CACNA1I: variants seen among roughly 807,000 people sequenced by gnomAD.
CACNA1I encodes the protein calcium voltage-gated channel subunit alpha1 I.
CACNA1I carries 74 observed loss-of-function variants against 201.6 expected under a neutral mutation model. The ratio of observed to expected loss-of-function variants is 0.37; its 90% CI spans 0.30 to 0.45. The LOEUF is 0.45. CACNA1I is among the 20% of genes least tolerant of loss of function. The pLI is 1.00. For missense variants in CACNA1I, 2,346 were observed against 3,138.1 expected (o/e 0.75, Z 6.03); for synonymous variants, 1,431 against 1,345.2 (o/e 1.06, Z -1.40).
At chr22:39,616,893 A>T (rs1390459218) in intron 3 of CACNA1I, among the ~76,000 whole-genome samples, 1 of 152,100 alleles carries the variant, frequency 6.6e-6, no homozygotes, top group Non-Finnish European at 1.5e-5. Context: ...TGGTGTCCTC[A>T]CTTAACTGAG....
chr22:39,593,357 A>AAAT (rs1840829740), intron 1 of CACNA1I, among the ~76,000 whole-genome samples: 1 of 152,184 alleles, frequency 6.6e-6, no homozygotes, highest in African/African-American at 2.4e-5. Flanking sequence ...AGGTACTGCC[A>AAAT]AATTCATCAC....
chr22:39,640,728 A>C, intron 5 of CACNA1I, 139 bp from the exon 6 acceptor site: 1 of 703,306 alleles, frequency 1.4e-6, no homozygotes, highest in South Asian at 1.9e-5. Flanking sequence ...AGGGTGACCA[A>C]GGCAGGGGAA....
chr22:39,627,932 G>A (rs1188563690), intron 4 of CACNA1I, among the ~76,000 whole-genome samples: 1 of 147,426 alleles, frequency 6.8e-6, no homozygotes, highest in African/African-American at 2.5e-5. Context: ...CTCCCTTCCT[G>A]GAAGAGGTGG....
intron 5 of CACNA1I, among the ~76,000 whole-genome samples, chr22:39,635,649 T>A (rs1225587099): frequency 6.7e-6 from 1 of 148,264 alleles, no homozygotes; most frequent in East Asian, 2.1e-4. Context: ...CAAGTGGGGA[T>A]TCAGGAAGGG....
intron 1 of CACNA1I, among the ~76,000 whole-genome samples, chr22:39,589,162 C>A (rs563357048): frequency 1.3e-5 from 2 of 152,268 alleles, no homozygotes; most frequent in East Asian, 3.9e-4. Flanking sequence ...CCTTGGGGGA[C>A]AAAATCATCC....
chr22:39,605,584 G>A (rs1452095560), intron 3 of CACNA1I, among the ~76,000 whole-genome samples: 5 of 152,216 alleles, frequency 3.3e-5, no homozygotes, highest in Non-Finnish European at 7.3e-5. Context: ...GGCCCTTTGT[G>A]ATTTCACGTA....
At position 39,649,955 on chromosome 22, in the gene CACNA1I, C is replaced by T. The variant is rs777975084; in HGVS notation, c.1992+30C>T. The T allele has an allele frequency of 2.7e-5, 44 of 1,610,456 alleles. No homozygotes were observed. Among genetic ancestry groups the T allele is most frequent in the Non-Finnish European group, 3.1e-5 (37 of 1,178,288 alleles). On this transcript the variant is annotated intron_variant, in intron 10 of 36. Transcript: ENST00000402142. This position sits in a 1 kb window ranked among gnomAD's most constrained non-coding sequence, Gnocchi z 7.3. ...GTGCAGCGCAGCCGGGCCGGGCCTGCGGGAGAGGTGTGAGGGCCCCAGGAC... is the reference window on the plus strand; with the variant it reads ...GTGCAGCGCAGCCGGGCCGGGCCTGTGGGAGAGGTGTGAGGGCCCCAGGAC...
intron 32 of CACNA1I, 69 bp from the exon 33 acceptor site, chr22:39,679,653 T>G (rs1935631766): frequency 1.4e-6 from 2 of 1,443,258 alleles, no homozygotes; most frequent in Non-Finnish European, 1.9e-6. Flanking sequence ...AGCTGTGTCC[T>G]GCCCACCCCA....
intron 4 of CACNA1I, among the ~76,000 whole-genome samples, chr22:39,626,533 C>T (rs565254574): frequency 4.0e-5 from 6 of 151,624 alleles, no homozygotes; most frequent in East Asian, 1.9e-4. Flanking sequence ...CAGGGGACTG[C>T]GTGGCGGGAA....
At position 39,684,287 on chromosome 22, in the gene CACNA1I, C is replaced by A. The variant is rs374846524; in HGVS notation, c.5831-15C>A. 18 of 1,612,310 alleles carry A rather than the reference C, an allele frequency of 1.1e-5. No individual in the cohort carries two copies. The highest frequency in any genetic ancestry group is 1.3e-5 in the African/African-American group (1 of 74,890). ...GAGCGTGCTCCCTCAGCTCTGTCTT[C>A]TCCTTTCCCAGCAGCACCCCCAAGT... On this transcript the variant is annotated splice_polypyrimidine_tract_variant and intron_variant, in intron 35 of 36. Coordinates refer to ENST00000402142, the MANE Select transcript of CACNA1I (RefSeq NM_021096.4). This position sits in a 1 kb window ranked among gnomAD's most constrained non-coding sequence, Gnocchi z 4.6.
At position 39,677,287 on chromosome 22, in the gene CACNA1I, G is replaced by T; in HGVS notation, c.4855-54G>T. 1.6e-6 allele frequency: 2 copies of T among 1,271,880 alleles called. No homozygotes were observed. Among genetic ancestry groups the T allele is most frequent in the East Asian group, 2.5e-5 (1 of 40,214 alleles). 78.8% of individuals were successfully genotyped at this position (1,271,880 alleles called of 1,614,324 possible). A position where few individuals can be genotyped will look rare whatever the true frequency, so the allele number is the denominator to read the frequency against. ...CCCAGCCTCCACCCTTCCCAGGCCTGGTGCGCCCCCACCCGCTCCCCAGCC... is the reference window on the plus strand; with the variant it reads ...CCCAGCCTCCACCCTTCCCAGGCCTTGTGCGCCCCCACCCGCTCCCCAGCC... On this transcript the variant is annotated intron_variant, in intron 29 of 36. Coordinates refer to ENST00000402142, the MANE Select transcript of CACNA1I (RefSeq NM_021096.4). The surrounding 1 kb of genome is among the most constrained non-coding windows in gnomAD (Gnocchi z 4.8).
Position 39,666,024 on chromosome 22 carries a change from A to G in CACNA1I, c.4104+18A>G, listed in dbSNP as rs1225235109. On this transcript the variant is annotated intron_variant, in intron 23 of 36. Transcript: ENST00000402142. The surrounding 1 kb of genome is among the most constrained non-coding windows in gnomAD (Gnocchi z 4.1). ...TGGGCCAGGTGAGCACCACCGTCCT[A>G]GCCCTGATCAGACCCTCCCCTCTCT... 1 of 1,610,298 alleles carries G rather than the reference A, an allele frequency of 6.2e-7. No homozygotes were observed. The highest frequency in any genetic ancestry group is 8.5e-7 in the Non-Finnish European group (1 of 1,178,082).
rs568266017 is a variant in CACNA1I, at chr22:39,571,784, C to G, written c.236+796C>G. The stretch of plus-strand genomic sequence containing the variant: ...GATTCCTCCTCTGCTTCATATCTAA[C>G]TGTCACATCTAACTGTGGAATTCTG... On this transcript the variant is annotated intron_variant, in intron 1 of 36. Coordinates refer to ENST00000402142, the MANE Select transcript of CACNA1I (RefSeq NM_021096.4). Among the ~76,000 whole-genome samples, 10 of 152,376 alleles carry G rather than the reference C, an allele frequency of 6.6e-5. No individual in the cohort carries two copies. The South Asian group carries it at 1.0e-3, about 16-fold the overall frequency.
At chr22:39,678,597 C>A (rs1254635346) in intron 31 of CACNA1I, among the ~76,000 whole-genome samples, 1 of 152,168 alleles carries the variant, frequency 6.6e-6, no homozygotes, top group Non-Finnish European at 1.5e-5. Context: ...CCCACCCCCA[C>A]CCTGCAGAGC....
intron 3 of CACNA1I, among the ~76,000 whole-genome samples, chr22:39,604,004 C>T (rs1933139729): frequency 6.6e-6 from 1 of 152,136 alleles, no homozygotes; most frequent in Admixed American, 6.5e-5. Flanking sequence ...GGTATTTTCT[C>T]CCTGGATAAT....
At chr22:39,675,017 C>T (rs1194614486) in intron 29 of CACNA1I, among the ~76,000 whole-genome samples, 2 of 152,194 alleles carry the variant, frequency 1.3e-5, no homozygotes, top group African/African-American at 2.4e-5. Context: ...TTTTTCCTAA[C>T]ACTAAACCCC....
intron 1 of CACNA1I, among the ~76,000 whole-genome samples, chr22:39,576,963 T>C (rs544404687): frequency 3.3e-5 from 5 of 152,222 alleles, no homozygotes; most frequent in Admixed American, 6.5e-5. Flanking sequence ...TCTTCTTCTT[T>C]TTTTTTGAGA....
rs542063405 is a variant in CACNA1I, at chr22:39,637,627, GC to G, written c.740+2904del. The stretch of plus-strand genomic sequence containing the variant: ...AACCAGAAACAACCCCAAACCATTG[GC>G]AGAATGAATAAATAAGTGGCAGTGT... On this transcript the variant is annotated intron_variant, in intron 5 of 36. Coordinates refer to ENST00000402142, the MANE Select transcript of CACNA1I (RefSeq NM_021096.4). 2.6e-4 allele frequency among the ~76,000 whole-genome samples: 39 copies of G among 152,262 alleles called. No homozygotes were observed. In the East Asian group the frequency reaches 6.7e-3, roughly 26 times the overall value.
chr22:39,667,156 T>C (rs1385886089), intron 23 of CACNA1I, among the ~76,000 whole-genome samples: 1 of 152,214 alleles, frequency 6.6e-6, no homozygotes, highest in East Asian at 1.9e-4. Flanking sequence ...TCCAGTGTCC[T>C]CATTTGTCAA....
Sources: gnomAD v4.1 joint callset for allele counts (sites outside exome capture counted in the v4.1 genomes callset) on GRCh38, gnomAD v4.1.1 for gene constraint, Gnocchi (gnomAD v3.1) non-coding constraint, MANE v1.5 for transcripts, NCBI Gene and HGNC (gene_info 2026-07-23, HGNC 2026-07-21) for gene names.